The following A1CF variants were observed in gnomAD, a reference collection of about 807,000 sequenced individuals.
The protein encoded by A1CF is APOBEC-1 stimulating protein.
A neutral mutation model predicts 68.9 loss-of-function variants in A1CF; 48 were observed. That is an observed-to-expected ratio of 0.70 (90% CI 0.55 to 0.89). The LOEUF is 0.89. Among genes scored for constraint, A1CF ranks in the 40% least tolerant of loss-of-function variants. The pLI, the probability that A1CF is intolerant of heterozygous loss-of-function variation, is 0.00. For missense variants in A1CF, 653 were observed against 718.9 expected, an observed-to-expected ratio of 0.91 and a Z score of 1.05; for synonymous variants, 272 against 260.4, an observed-to-expected ratio of 1.04 and a Z score of -0.43.
intron 6 of A1CF, among the ~76,000 whole-genome samples, chr10:50,828,614 C>T (rs1032964241): frequency 2.6e-5 from 4 of 152,054 alleles, no homozygotes; most frequent in African/African-American, 9.7e-5. Context: ...AAGGTAGTCA[C>T]TTAAGGTAAG....
chr10:50,819,650 G>A (rs1296522340), intron 8 of A1CF, among the ~76,000 whole-genome samples: 4 of 152,074 alleles, frequency 2.6e-5, no homozygotes, highest in South Asian at 2.1e-4. Context: ...ACAGTCCCAC[G>A]TGCATTATGT....
intron 1 of A1CF, among the ~76,000 whole-genome samples, chr10:50,866,106 C>CT (rs1292556223): frequency 2.0e-5 from 3 of 152,180 alleles, no homozygotes; most frequent in Admixed American, 2.0e-4. Flanking sequence ...TATTATTTCT[C>CT]TTTTTCCAGT....
At chr10:50,817,582 T>G (rs1838430864) in intron 8 of A1CF, among the ~76,000 whole-genome samples, 1 of 152,136 alleles carries the variant, frequency 6.6e-6, no homozygotes, top group Non-Finnish European at 1.5e-5. Context: ...TTGATGTTGA[T>G]GTAATTAGAA....
chr10:50,857,828 T>C (rs1490682959), intron 3 of A1CF, among the ~76,000 whole-genome samples: 1 of 152,170 alleles, frequency 6.6e-6, no homozygotes, highest in Non-Finnish European at 1.5e-5. Context: ...GATCAGAGTT[T>C]GGCCACGTGT....
intron 12 of A1CF, among the ~76,000 whole-genome samples, chr10:50,807,292 G>T (rs1226458107): frequency 6.6e-6 from 1 of 152,130 alleles, no homozygotes; most frequent in East Asian, 1.9e-4. Context: ...GGGAGGTGGG[G>T]ATCTGTGGGA....
rs980479274 is a variant in A1CF, at chr10:50,803,970, C to G, written c.*2759G>C. The G allele has an allele frequency of 7.9e-5, 12 of 152,138 alleles. No individual in the cohort carries two copies. The highest frequency in any genetic ancestry group is 2.9e-4 in the African/African-American group (12 of 41,444). 9.4% of individuals were successfully genotyped at this position (152,138 alleles called of 1,614,324 possible). ...CCAGCAATTTAAAAAAGCCCGTTGT[C>G]TTAATAATTTTAAACTTATGGTAGC... is the stretch of plus-strand genomic sequence containing the variant. On this transcript the variant is annotated 3_prime_UTR_variant, in exon 13 of 13. Coordinates refer to ENST00000373997, the MANE Select transcript of A1CF (RefSeq NM_014576.4).
intron 1 of A1CF, among the ~76,000 whole-genome samples, chr10:50,871,793 C>A (rs992964843): frequency 6.6e-6 from 1 of 151,966 alleles, no homozygotes; most frequent in Non-Finnish European, 1.5e-5. Context: ...AAAGAAATAA[C>A]CTTTAAAAAC....
intron 8 of A1CF, among the ~76,000 whole-genome samples, chr10:50,817,820 A>G (rs1331770398): frequency 6.6e-6 from 1 of 152,206 alleles, no homozygotes; most frequent in Non-Finnish European, 1.5e-5. Flanking sequence ...TTTAAATTCA[A>G]TATTGTATTT....
chr10:50,828,070 T>G (rs1839053491), intron 7 of A1CF, 61 bp downstream of exon 7: 1 of 1,322,080 alleles, frequency 7.6e-7, no homozygotes, highest in South Asian at 1.7e-5. Context: ...ACATACACCC[T>G]CCCAAGACTA....
intron 7 of A1CF, among the ~76,000 whole-genome samples, chr10:50,826,665 G>T (rs976070572): frequency 6.6e-6 from 1 of 152,006 alleles, no homozygotes; most frequent in Non-Finnish European, 1.5e-5. Flanking sequence ...CAGTACCAGC[G>T]ACTGCAAAAA....
intron 4 of A1CF, 82 bp from the exon 5 acceptor site, chr10:50,842,074 A>C (rs936605991): frequency 3.8e-5 from 46 of 1,222,364 alleles, no homozygotes; most frequent in Non-Finnish European, 5.2e-5. Flanking sequence ...TACACACACA[A>C]ACACACACAC....
intron 3 of A1CF, among the ~76,000 whole-genome samples, chr10:50,854,733 C>T (rs1467020495): frequency 6.6e-6 from 1 of 151,760 alleles, no homozygotes; most frequent in Non-Finnish European, 1.5e-5. Flanking sequence ...AGCACTAATA[C>T]ATTTTTCTCA....
At chr10:50,871,890 C>A (rs1841285333) in intron 1 of A1CF, among the ~76,000 whole-genome samples, 1 of 151,872 alleles carries the variant, frequency 6.6e-6, no homozygotes, top group Admixed American at 6.6e-5. Flanking sequence ...ATATTAAGAA[C>A]CATAAATGAA....
intron 3 of A1CF, among the ~76,000 whole-genome samples, chr10:50,850,105 T>C (rs1035783414): frequency 6.6e-5 from 10 of 152,230 alleles, no homozygotes; most frequent in African/African-American, 2.4e-4. Flanking sequence ...TGACTTTCAT[T>C]TATTGGTTTC....
chr10:50,803,672 G>A lies in A1CF; in HGVS notation c.*3057C>T, dbSNP rs753271545. The A allele has an allele frequency of 1.3e-5, 2 of 152,258 alleles. No individual in the cohort carries two copies. The highest frequency in any genetic ancestry group is 2.9e-5 in the Non-Finnish European group (2 of 68,020). 9.4% of individuals were successfully genotyped at this position (152,258 alleles called of 1,614,324 possible). ...TGCTGATCAATTTCCTCCTACTTAA[G>A]CAACATTAGGCTGATTTTAATTATC... is the stretch of plus-strand genomic sequence containing the variant. On this transcript the variant is annotated 3_prime_UTR_variant, in exon 13 of 13. Coordinates refer to ENST00000373997, the MANE Select transcript of A1CF (RefSeq NM_014576.4).
chr10:50,865,856 A>C (rs1840967122), intron 1 of A1CF, among the ~76,000 whole-genome samples: 1 of 152,210 alleles, frequency 6.6e-6, no homozygotes, highest in Non-Finnish European at 1.5e-5. Context: ...ATTGTTTCGC[A>C]CATGACTGTA....
intron 3 of A1CF, among the ~76,000 whole-genome samples, chr10:50,854,109 T>C (rs1314899719): frequency 5.9e-5 from 9 of 152,144 alleles, no homozygotes; most frequent in Admixed American, 5.9e-4. Flanking sequence ...GACTGACCCT[T>C]AGAAATCTTT....
intron 7 of A1CF, 111 bp downstream of exon 7, chr10:50,828,020 A>G (rs925170316): frequency 1.8e-5 from 14 of 784,846 alleles, no homozygotes; most frequent in Middle Eastern, 4.0e-4. Flanking sequence ...CTCTATGCAA[A>G]TAAACTAGAA....
At chr10:50,869,367 C>G (rs927123822) in intron 1 of A1CF, among the ~76,000 whole-genome samples, 16 of 152,118 alleles carry the variant, frequency 1.1e-4, no homozygotes, top group Non-Finnish European at 2.4e-4. Flanking sequence ...TTTAACTCAT[C>G]TTAGCCATGA....
Sources: gnomAD v4.1 joint callset for allele counts (sites outside exome capture counted in the v4.1 genomes callset) on GRCh38, gnomAD v4.1.1 for gene constraint, MANE v1.5 for transcripts, NCBI Gene and HGNC (gene_info 2026-07-23, HGNC 2026-07-21) for gene names.